GARRE1: variants seen among roughly 807,000 people sequenced by gnomAD.
The protein encoded by GARRE1 is granule associated Rac and RHOG effector protein 1.
A neutral mutation model predicts 103.2 loss-of-function variants in GARRE1; 49 were observed. The ratio of observed to expected loss-of-function variants is 0.47; its 90% CI spans 0.38 to 0.60. The LOEUF (loss-of-function observed/expected upper bound fraction) is 0.60, where lower values mean the gene tolerates loss of function less well. GARRE1 is among the 20% of genes least tolerant of loss of function. The pLI is 0.00. For missense variants in GARRE1, 1,199 were observed against 1,370.5 expected, an observed-to-expected ratio of 0.87 and a Z score of 1.98; for synonymous variants, 505 against 532.8, an observed-to-expected ratio of 0.95 and a Z score of 0.72.
At position 34,300,082 on chromosome 19, in the gene GARRE1, A is replaced by G. The variant is rs964232842; in HGVS notation, c.-392A>G. 1 of 164,676 alleles carries G rather than the reference A, an allele frequency of 6.1e-6. No individual in the cohort carries two copies. The highest frequency in any genetic ancestry group is 2.0e-4 in the South Asian group (1 of 5,014). 10.2% of individuals were successfully genotyped at this position (164,676 alleles called of 1,614,324 possible). A position where few individuals can be genotyped will look rare whatever the true frequency, so the allele number is the denominator to read the frequency against. On this transcript the variant is annotated 5_prime_UTR_variant, in exon 2 of 14. Transcript: ENST00000299505. ...ACTTTTTTGGGTATATTGAAGACACAGTGTATTACATTATATTACATTTTT... is the reference window on the plus strand; with the variant it reads ...ACTTTTTTGGGTATATTGAAGACACGGTGTATTACATTATATTACATTTTT...
Position 34,352,725 on chromosome 19 carries a change from A to C in GARRE1, c.2983A>C (p.Ser995Arg). 1 of 1,614,008 alleles carries C rather than the reference A, an allele frequency of 6.2e-7. No individual in the cohort carries two copies. ...GCTTCCCAGCACGCTGCCCAGCCCC[A>C]GCGCACCACTCTATGCAGTCACCAG... ...SPLPSTLPSP[S>R]APLYAVTSPG... The change falls in exon 14 of 14, where the codon AGC becomes CGC. Residue 995 changes from serine (S) to arginine (R), a missense_variant. Coordinates refer to ENST00000299505, the MANE Select transcript of GARRE1 (RefSeq NM_014686.5).
chr19:34,327,760 T>A lies in GARRE1; in HGVS notation c.847-11T>A, dbSNP rs1381000502. 1 of 1,603,496 alleles carries A rather than the reference T, an allele frequency of 6.2e-7. No individual in the cohort carries two copies. On this transcript the variant is annotated splice_polypyrimidine_tract_variant and intron_variant, in intron 4 of 13. Coordinates refer to ENST00000299505, the MANE Select transcript of GARRE1 (RefSeq NM_014686.5). The stretch of plus-strand genomic sequence containing the variant: ...TTACGATCTTGATTGTTAAAAATAA[T>A]TTATTTCCAGGCATATAAGATAGCT...
At chr19:34,323,221 CAG>C (rs2074097862) in intron 3 of GARRE1, among the ~76,000 whole-genome samples, 1 of 151,400 alleles carries the variant, frequency 6.6e-6, no homozygotes, top group Middle Eastern at 3.4e-3. Context: ...TTAGTAGAGA[CAG>C]GGTTTCACTG....
chr19:34,345,567 C>T (rs2074207124), intron 10 of GARRE1, among the ~76,000 whole-genome samples: 1 of 152,226 alleles, frequency 6.6e-6, no homozygotes, highest in African/African-American at 2.4e-5. Flanking sequence ...TGCCTGTAGT[C>T]TCAGCACTTT....
intron 2 of GARRE1, among the ~76,000 whole-genome samples, chr19:34,301,620 G>A (rs1043478500): frequency 2.7e-5 from 4 of 150,456 alleles, no homozygotes; most frequent in Non-Finnish European, 4.4e-5. Context: ...TTCAAATACC[G>A]TACTGGTAAA....
intron 1 of GARRE1, among the ~76,000 whole-genome samples, chr19:34,281,986 G>A (rs1054425584): frequency 3.4e-4 from 51 of 152,140 alleles, no homozygotes; most frequent in African/African-American, 1.2e-3. Context: ...TTCTCCCATG[G>A]CTTATTTTAA....
chr19:34,256,134 C>T (rs1275219948), intron 1 of GARRE1, among the ~76,000 whole-genome samples: 3 of 151,918 alleles, frequency 2.0e-5, no homozygotes, highest in South Asian at 2.1e-4. Context: ...CCACCGTGTC[C>T]GGCCGTAACG....
In GARRE1 at chr19:34,352,811, C is replaced by T. The variant is rs1389287591; in HGVS notation, c.3069C>T (p.Thr1023=). The T allele has an allele frequency of 6.2e-7, 1 of 1,613,848 alleles. No individual in the cohort carries two copies. Among genetic ancestry groups the T allele is most frequent in the Non-Finnish European group, 8.5e-7 (1 of 1,179,936 alleles). ...QMLQSPVWAA[T]NDCSAAAFSY... ...TGCAGTCCCCAGTGTGGGCCGCAAC[C>T]AACGACTGCAGTGCCGCTGCCTTCT... is the stretch of plus-strand genomic sequence containing the variant. Residue 1023 remains threonine, a synonymous_variant, in exon 14 of 14, where the codon ACC becomes ACT. Transcript: ENST00000299505.
intron 2 of GARRE1, among the ~76,000 whole-genome samples, chr19:34,316,291 T>C (rs2074060002): frequency 6.6e-6 from 1 of 152,152 alleles, no homozygotes; most frequent in Non-Finnish European, 1.5e-5. Context: ...ATTTTAAACT[T>C]AAAAACCTGC....
rs970144358 is a variant in GARRE1 at position 34,354,949 on chromosome 19, G to T, written c.*1994G>T. The T allele has an allele frequency of 6.6e-6, 1 of 152,618 alleles. No individual in the cohort carries two copies. The highest frequency in any genetic ancestry group is 2.4e-5 in the African/African-American group (1 of 41,442). The allele number at this position is 152,618 out of a possible 1,614,324, so 9.5% of individuals were successfully genotyped here. A position where few individuals can be genotyped will look rare whatever the true frequency, so the allele number is the denominator to read the frequency against. On this transcript the variant is annotated 3_prime_UTR_variant, in exon 14 of 14. Coordinates refer to ENST00000299505, the MANE Select transcript of GARRE1 (RefSeq NM_014686.5). ...ATAGACATTTTCAGGCACGTGCTTT[G>T]CACCAACCCTGCGTGGCTCTTGTCT...
intron 2 of GARRE1, among the ~76,000 whole-genome samples, chr19:34,304,324 CAAA>C (rs34976378): frequency 0.12 from 17,372 of 150,938 alleles, 1,303 homozygotes; most frequent in African/African-American, 0.21. Flanking sequence ...CTCATGGCCT[CAAA>C]ATGCTGGGAT....
At chr19:34,321,313 T>C (rs1318617468) in intron 3 of GARRE1, among the ~76,000 whole-genome samples, 1 of 146,840 alleles carries the variant, frequency 6.8e-6, no homozygotes, top group Non-Finnish European at 1.5e-5. Context: ...CTTGACCTCG[T>C]GATCTGCCTG....
At chr19:34,326,685 C>G (rs2074113420) in intron 3 of GARRE1, among the ~76,000 whole-genome samples, 1 of 150,384 alleles carries the variant, frequency 6.6e-6, no homozygotes, top group African/African-American at 2.4e-5. Flanking sequence ...CATGTATGTT[C>G]TTCCTTTTTT....
chr19:34,333,682 T>TG (rs757690720), intron 7 of GARRE1, 22 bp from the exon 8 acceptor site: 17 of 1,233,576 alleles, frequency 1.4e-5, no homozygotes, highest in East Asian at 4.6e-5. Context: ...TATTTGTTTT[T>TG]TTTTTTTTTT....
chr19:34,331,389 CCTTAT>C (rs1409763196), intron 7 of GARRE1, among the ~76,000 whole-genome samples: 2 of 152,028 alleles, frequency 1.3e-5, no homozygotes, highest in Non-Finnish European at 2.9e-5. Flanking sequence ...GTAGGTCACT[CCTTAT>C]CTTCTTGGTG....
chr19:34,272,141 G>T (rs2145958569), intron 1 of GARRE1, among the ~76,000 whole-genome samples: 1 of 152,320 alleles, frequency 6.6e-6, no homozygotes, highest in Admixed American at 6.5e-5. Flanking sequence ...TTAAGTTTGG[G>T]TTAAAAGTTG....
At chr19:34,351,473 G>C (rs1475372309) in intron 12 of GARRE1, 41 bp from the exon 13 acceptor site, 2 of 1,489,850 alleles carry the variant, frequency 1.3e-6, no homozygotes, top group Non-Finnish European at 1.9e-6. Context: ...GGCTGGGCAG[G>C]AAGCCAAGCA....
intron 1 of GARRE1, among the ~76,000 whole-genome samples, chr19:34,257,382 G>C (rs925364240): frequency 4.6e-5 from 7 of 151,916 alleles, no homozygotes; most frequent in African/African-American, 1.7e-4. Context: ...CTGTCCCCGA[G>C]GCTGGAGTGC....
chr19:34,310,950 T>C (rs985397411), intron 2 of GARRE1, among the ~76,000 whole-genome samples: 3 of 152,042 alleles, frequency 2.0e-5, no homozygotes, highest in African/African-American at 7.2e-5. Flanking sequence ...ATATCCAATC[T>C]CTTTTTTCTT....
Sources: allele counts gnomAD v4.1 joint callset (sites outside exome capture counted in the v4.1 genomes callset), GRCh38; gene constraint gnomAD v4.1.1; transcripts MANE v1.5; gene names NCBI Gene and HGNC (gene_info 2026-07-23, HGNC 2026-07-21).